SNRPN: variants seen among roughly 807,000 people sequenced by gnomAD.
SNRPN encodes the protein small nuclear ribonucleoprotein-associated protein N.
SNRPN carries 7 observed loss-of-function variants against 25.2 expected under a neutral mutation model. That is an observed-to-expected ratio of 0.28 (90% CI 0.16 to 0.52). The LOEUF (loss-of-function observed/expected upper bound fraction) is 0.52, where lower values mean the gene tolerates loss of function less well. Ranked by LOEUF, SNRPN falls within the 20% of genes least tolerant of loss-of-function variation. The pLI is 0.96. For synonymous variants in SNRPN, 124 were observed against 110.6 expected (o/e 1.12, Z -0.76); for missense variants, 196 against 322.5 (o/e 0.61, Z 3.00).
chr15:24,955,134 A>G (rs369476193), intron 1 of SNRPN, 72 bp downstream of exon 1: 14 of 1,600,826 alleles, frequency 8.7e-6, no homozygotes, highest in African/African-American at 8.0e-5. Context: ...AGATATTCCA[A>G]GTTTTTAGGA....
chr15:24,880,587 C>G (rs959647832), intron 1 of SNRPN, among the ~76,000 whole-genome samples: 3 of 152,066 alleles, frequency 2.0e-5, no homozygotes, highest in South Asian at 2.1e-4. Context: ...GTAGGAGAGA[C>G]AGGGCAGAAA....
intron 4 of SNRPN, chr15:24,974,757 C>G (rs2153683757): frequency 1.6e-6 from 1 of 610,472 alleles, no homozygotes; most frequent in East Asian, 2.7e-5. Context: ...CAGGGTTTCA[C>G]TGTGTTGGCC....
chr15:24,964,037 GAAA>G (rs577352737), intron 2 of SNRPN, among the ~76,000 whole-genome samples: 1 of 149,818 alleles, frequency 6.7e-6, no homozygotes. Flanking sequence ...GTCTCAAAAA[GAAA>G]AAAAAAGTTG....
At chr15:24,859,834 A>G (rs755734174) in intron 1 of SNRPN, among the ~76,000 whole-genome samples, 10 of 152,134 alleles carry the variant, frequency 6.6e-5, no homozygotes, top group Non-Finnish European at 1.5e-4. Flanking sequence ...ATATAAAGTA[A>G]CTTTCTGATG....
intron 3 of SNRPN, among the ~76,000 whole-genome samples, chr15:24,948,528 A>G (rs1051042823): frequency 6.6e-6 from 1 of 152,102 alleles, no homozygotes; most frequent in Non-Finnish European, 1.5e-5. Context: ...ATATTGGTAC[A>G]TTTTTATTAA....
At chr15:24,847,441 G>C (rs1250992783) in intron 2 of SNRPN, among the ~76,000 whole-genome samples, 2 of 152,206 alleles carry the variant, frequency 1.3e-5, no homozygotes, top group Non-Finnish European at 1.5e-5. Flanking sequence ...AGGAGTTCAA[G>C]ACCAGCCTGG....
At chr15:24,925,745 ATTTT>A (rs35612975) in intron 3 of SNRPN, among the ~76,000 whole-genome samples, 1 of 145,366 alleles carries the variant, frequency 6.9e-6, no homozygotes, top group Non-Finnish European at 1.5e-5. Flanking sequence ...TGCCCAGCTA[ATTTT>A]TTTTTTTTTT....
At chr15:24,843,660 G>T (rs766064298) in intron 2 of SNRPN, among the ~76,000 whole-genome samples, 7 of 152,066 alleles carry the variant, frequency 4.6e-5, no homozygotes, top group Non-Finnish European at 1.0e-4. Flanking sequence ...GGTGGTGCAT[G>T]CCTATAATCC....
intron 2 of SNRPN, among the ~76,000 whole-genome samples, chr15:24,830,858 G>A (rs1192599919): frequency 6.6e-6 from 1 of 152,022 alleles, no homozygotes; most frequent in Non-Finnish European, 1.5e-5. Flanking sequence ...GGTGCATCTC[G>A]ATGAGTGGTC....
At chr15:24,889,012 G>C (rs2057424820) in intron 2 of SNRPN, among the ~76,000 whole-genome samples, 1 of 152,004 alleles carries the variant, frequency 6.6e-6, no homozygotes, top group African/African-American at 2.4e-5. Context: ...GAACCTCTGG[G>C]GTTCATGCCA....
intron 2 of SNRPN, among the ~76,000 whole-genome samples, chr15:24,910,561 G>A (rs2059147797): frequency 1.3e-5 from 2 of 151,958 alleles, no homozygotes; most frequent in Admixed American, 6.6e-5. Flanking sequence ...GTGCGATCTC[G>A]GCTCACTGCA....
Position 24,976,430 on chromosome 15 carries a change from A to AGG in SNRPN, c.267+16_267+17dup. Reference sequence around the variant, plus strand: ...CCCCCCAAAGATGTAAGGAAGATGTAGGGCAGGACAGAACTTTAATTTGCA... The same window carrying AGG: ...CCCCCCAAAGATGTAAGGAAGATGTAGGGGGCAGGACAGAACTTTAATTTGCA... On this transcript the variant is annotated intron_variant, in intron 6 of 9. Transcript: ENST00000390687. 2 of 1,533,266 alleles carry AGG rather than the reference A, an allele frequency of 1.3e-6. No individual in the cohort carries two copies. Among genetic ancestry groups the AGG allele is most frequent in the Non-Finnish European group, 1.8e-6 (2 of 1,111,060 alleles). 95.0% of individuals were successfully genotyped at this position (1,533,266 alleles called of 1,614,324 possible).
At chr15:24,831,283 A>G (rs528327517) in intron 2 of SNRPN, among the ~76,000 whole-genome samples, 1 of 151,982 alleles carries the variant, frequency 6.6e-6, no homozygotes, top group Non-Finnish European at 1.5e-5. Flanking sequence ...AGCAAGGTAC[A>G]TTTTGTTTCA....
At chr15:24,846,778 T>G (rs2052237788) in intron 2 of SNRPN, among the ~76,000 whole-genome samples, 1 of 152,172 alleles carries the variant, frequency 6.6e-6, no homozygotes, top group Non-Finnish European at 1.5e-5. Context: ...TTAAGAAATT[T>G]TGTTCTGTGT....
chr15:24,956,291 C>A (rs2062859300), intron 1 of SNRPN, among the ~76,000 whole-genome samples: 1 of 148,102 alleles, frequency 6.8e-6, no homozygotes, highest in Non-Finnish European at 1.5e-5. Flanking sequence ...GCGTCACTGC[C>A]ATTGTGCAGC....
intron 1 of SNRPN, among the ~76,000 whole-genome samples, chr15:24,827,811 G>A (rs34366233): frequency 0.14 from 21,335 of 150,768 alleles, 1,757 homozygotes; most frequent in Non-Finnish European, 0.19. Context: ...AGGTTACAGT[G>A]AGCCAAGACT....
intron 2 of SNRPN, chr15:24,909,456 C>G: frequency 6.3e-7 from 1 of 1,586,650 alleles, no homozygotes; most frequent in Non-Finnish European, 8.6e-7. Context: ...GTCACCTCCA[C>G]TTGGCCTTCA....
At chr15:24,966,388 G>A (rs180901262) in intron 2 of SNRPN, among the ~76,000 whole-genome samples, 30 of 152,210 alleles carry the variant, frequency 2.0e-4, no homozygotes, top group African/African-American at 4.8e-4. Flanking sequence ...GCACATTAGC[G>A]TATATCACCA....
chr15:24,977,255 C>G (rs1269640419), intron 7 of SNRPN, among the ~76,000 whole-genome samples: 1 of 152,108 alleles, frequency 6.6e-6, no homozygotes, highest in Admixed American at 6.5e-5. Context: ...TAACTTGCCA[C>G]TAGTGGTGAG....
Sources: allele counts gnomAD v4.1 joint callset (sites outside exome capture counted in the v4.1 genomes callset), GRCh38; gene constraint gnomAD v4.1.1; transcripts MANE v1.5; gene names NCBI Gene and HGNC (gene_info 2026-07-23, HGNC 2026-07-21).